AMPD2: variants seen among roughly 807,000 people sequenced by gnomAD.
AMPD2 encodes AMP deaminase 2.
A neutral mutation model predicts 91.3 loss-of-function variants in AMPD2; 52 were observed. That is an observed-to-expected ratio of 0.57 (90% CI 0.46 to 0.72). AMPD2 has a LOEUF of 0.72. Among genes scored for constraint, AMPD2 ranks in the 30% least tolerant of loss-of-function variants. The pLI, the probability that AMPD2 is intolerant of heterozygous loss-of-function variation, is 0.00. For missense variants in AMPD2, 822 were observed against 1,122.3 expected, an observed-to-expected ratio of 0.73 and a Z score of 3.82; for synonymous variants, 455 against 456.4, an observed-to-expected ratio of 1.00 and a Z score of 0.04.
At position 109,628,930 on chromosome 1, in the gene AMPD2, A is replaced by G. The variant is rs111379057; in HGVS notation, c.1571+124A>G. ...CTGCCAACCCCTCTGAGTGCAAGGA[A>G]GGGCTTCCTGGTCCCATCCATGGTC... is the stretch of plus-strand genomic sequence containing the variant. On this transcript the variant is annotated intron_variant, in intron 13 of 18. Transcript: ENST00000528667. The surrounding 1 kb of genome is among the most constrained non-coding windows in gnomAD (Gnocchi z 7.1). The G allele has an allele frequency of 9.4e-3, 13,500 of 1,438,348 alleles. 101 individuals carry two copies. The highest frequency in any genetic ancestry group is 0.032 in the Admixed American group (1,375 of 43,496). The allele number at this position is 1,438,348 out of a possible 1,614,324, so 89.1% of individuals were successfully genotyped here.
In AMPD2 at chr1:109,631,330, C is replaced by A; in HGVS notation, c.*178C>A. 1.4e-6 allele frequency: 1 copy of A among 694,732 alleles called. No individual in the cohort carries two copies. The highest frequency in any genetic ancestry group is 2.4e-6 in the Non-Finnish European group (1 of 408,648). The allele number at this position is 694,732 out of a possible 1,614,324, so 43.0% of individuals were successfully genotyped here. A position where few individuals can be genotyped will look rare whatever the true frequency, so the allele number is the denominator to read the frequency against. On this transcript the variant is annotated 3_prime_UTR_variant, in exon 19 of 19. Coordinates refer to ENST00000528667, the MANE Select transcript of AMPD2 (RefSeq NM_001368809.2). ...TGAAAGCAAAGCCTGGGAATCTGCT[C>A]ATTGTTGTTTGGGCTCAGGTATTGA... is the stretch of plus-strand genomic sequence containing the variant.
chr1:109,621,505 C>T, intron 2 of AMPD2: 1 of 627,886 alleles, frequency 1.6e-6, no homozygotes, highest in Non-Finnish European at 2.9e-6. Context: ...AAGGAGTGGG[C>T]ATGGTGTGGG....
rs781156176 is a variant in AMPD2, at chr1:109,625,842, C to T, written c.353+50C>T. 8 of 1,606,450 alleles carry T rather than the reference C, an allele frequency of 5.0e-6. No individual in the cohort carries two copies. The highest frequency in any genetic ancestry group is 6.0e-6 in the Non-Finnish European group (7 of 1,174,950). ...GTCTCCCTCCATACCCTTCCAGACCCTTTCAGAGCCCCTTTTCTGCCTCTT... is the reference window on the plus strand; with the variant it reads ...GTCTCCCTCCATACCCTTCCAGACCTTTTCAGAGCCCCTTTTCTGCCTCTT... On this transcript the variant is annotated intron_variant, in intron 4 of 18. Transcript: ENST00000528667. The surrounding 1 kb of genome is among the most constrained non-coding windows in gnomAD (Gnocchi z 4.0).
rs1345742407 is a variant in AMPD2 at position 109,628,787 on chromosome 1, G to T, written c.1552G>T (p.Val518Leu). 1.3e-6 allele frequency: 2 copies of T among 1,567,146 alleles called. No homozygotes were observed. The highest frequency in any genetic ancestry group is 1.7e-6 in the Non-Finnish European group (2 of 1,155,600). Residue 518 changes from valine (V) to leucine (L), a missense_variant, in exon 13 of 19, where the codon GTG becomes TTG. By Grantham distance (32) the Val-to-Leu change is conservative. This residue lies in a region of AMPD2 where 430 missense variants were observed against 606.0 expected (regional missense o/e 0.71). Coordinates refer to ENST00000528667, the MANE Select transcript of AMPD2 (RefSeq NM_001368809.2). This position sits in a 1 kb window ranked among gnomAD's most constrained non-coding sequence, Gnocchi z 7.1. ...GCACTCCCCCAACGTGCGCTGGCTG[G>T]TGCAGGTGCCCCGCCTCTTGTGAGT... ...RVHSPNVRWLVQVPRLFDVYR... is the reference protein window; with the variant it reads ...RVHSPNVRWLLQVPRLFDVYR...
In AMPD2 at chr1:109,624,506, C is replaced by T. The variant is rs186458929; in HGVS notation, c.92-797C>T. 0.01 allele frequency among the ~76,000 whole-genome samples: 1,595 copies of T among 152,312 alleles called. 12 individuals are homozygous for T. The highest frequency in any genetic ancestry group is 0.014 in the Non-Finnish European group (965 of 68,002). Reference sequence around the variant, plus strand: ...GACCCCTGGCTTCTGACACTCCCTTCCCCAGGGCCCTCTGTGGTGCCCCCG... The same window carrying T: ...GACCCCTGGCTTCTGACACTCCCTTTCCCAGGGCCCTCTGTGGTGCCCCCG... On this transcript the variant is annotated intron_variant, in intron 2 of 18. Coordinates refer to ENST00000528667, the MANE Select transcript of AMPD2 (RefSeq NM_001368809.2). This position sits in a 1 kb window ranked among gnomAD's most constrained non-coding sequence, Gnocchi z 5.2.
At chr1:109,620,793 G>C in intron 1 of AMPD2, 121 bp from the exon 2 acceptor site, 2 of 1,321,836 alleles carry the variant, frequency 1.5e-6, no homozygotes, top group East Asian at 5.8e-5. Context: ...CCTGGACTTT[G>C]GCTTCTTTGC....
chr1:109,630,733 C>T lies in AMPD2; in HGVS notation c.2208C>T (p.Ser736=). 1.9e-6 allele frequency: 3 copies of T among 1,612,190 alleles called. No homozygotes were observed. The highest frequency in any genetic ancestry group is 1.1e-5 in the South Asian group (1 of 90,598). The change falls in exon 18 of 19, where the codon AGC becomes AGT. Residue 736 remains serine, a synonymous_variant. Transcript: ENST00000528667. ...TCGCCACCCAGGTGTGGAAGCTCAG[C>T]TCCTGCGATATGTGTGAGCTGGCCC... The part of the protein sequence containing the change: ...YSIATQVWKL[S]SCDMCELARN...
At position 109,628,628 on chromosome 1, in the gene AMPD2, T is replaced by C; in HGVS notation, c.1408-15T>C. 6.2e-7 allele frequency: 1 copy of C among 1,612,426 alleles called. No individual in the cohort carries two copies. The highest frequency in any genetic ancestry group is 8.5e-7 in the Non-Finnish European group (1 of 1,179,032). On this transcript the variant is annotated splice_polypyrimidine_tract_variant and intron_variant, in intron 12 of 18. Transcript: ENST00000528667. This position sits in a 1 kb window ranked among gnomAD's most constrained non-coding sequence, Gnocchi z 7.1. ...CAGCTCACCTCATGTCTGACTCAGC[T>C]CACCTCATGTCTAGGAGGTGATGTC...
chr1:109,621,361 T>C (rs1570575480), intron 2 of AMPD2, 95 bp downstream of exon 2: 2 of 1,137,672 alleles, frequency 1.8e-6, no homozygotes, highest in Non-Finnish European at 2.4e-6. Flanking sequence ...GGCCACCTCC[T>C]CCGGCATCCT....
chr1:109,626,644 G>A, intron 6 of AMPD2, 82 bp from the exon 7 acceptor site: 2 of 1,530,890 alleles, frequency 1.3e-6, no homozygotes, highest in Non-Finnish European at 1.8e-6. Context: ...GGTGGGGATA[G>A]TTTGGGTTCT....
chr1:109,621,473 C>A (rs1357638496), intron 2 of AMPD2: 4 of 669,452 alleles, frequency 6.0e-6, no homozygotes, highest in Admixed American at 2.1e-5. Flanking sequence ...ATATCTGTGC[C>A]AGGGATGCTG....
At chr1:109,626,123 C>T (rs200906971) in intron 4 of AMPD2, 37 bp from the exon 5 acceptor site, 119 of 1,611,716 alleles carry the variant, frequency 7.4e-5, no homozygotes, top group African/African-American at 5.9e-4. Context: ...GGCCGTCCCT[C>T]GGGATCTGCC....
At position 109,625,230 on chromosome 1, in the gene AMPD2, A is replaced by G; in HGVS notation, c.92-73A>G. 1 of 1,574,258 alleles carries G rather than the reference A, an allele frequency of 6.4e-7. No individual in the cohort carries two copies. The highest frequency in any genetic ancestry group is 8.6e-7 in the Non-Finnish European group (1 of 1,158,082). On this transcript the variant is annotated intron_variant, in intron 2 of 18. Coordinates refer to ENST00000528667, the MANE Select transcript of AMPD2 (RefSeq NM_001368809.2). The surrounding 1 kb of genome is among the most constrained non-coding windows in gnomAD (Gnocchi z 4.0). ...CCTGGGCTCTCTCGGGAGCTGGCCT[A>G]GGCAGGGCAGGGGCCCAGGGCTTTC...
chr1:109,621,211 G>A lies in AMPD2; in HGVS notation c.36G>A (p.Lys12=), dbSNP rs1166509735. The change falls in exon 2 of 19, where the codon AAG becomes AAA. Residue 12 remains lysine, a synonymous_variant. Transcript: ENST00000528667. ...ASYPSGSGKP[K]AKYPFKKRAS... is the part of the protein sequence containing the mutation. ...ATCCATCTGGCTCTGGCAAGCCCAAGGCCAAATATCCCTTTAAGAAGCGGG... is the reference window on the plus strand; with the variant it reads ...ATCCATCTGGCTCTGGCAAGCCCAAAGCCAAATATCCCTTTAAGAAGCGGG... The A allele has an allele frequency of 6.2e-7, 1 of 1,611,112 alleles. No homozygotes were observed. Among genetic ancestry groups the A allele is most frequent in the East Asian group, 2.2e-5 (1 of 44,786 alleles).
intron 2 of AMPD2, 128 bp downstream of exon 2, chr1:109,621,394 C>T (rs760891641): frequency 3.4e-5 from 34 of 1,006,112 alleles, no homozygotes; most frequent in Non-Finnish European, 4.7e-5. Context: ...GCCCCTCAAC[C>T]TCAGTCCCAG....
chr1:109,630,192 G>T, intron 16 of AMPD2, 41 bp from the exon 17 acceptor site: 1 of 1,604,766 alleles, frequency 6.2e-7, no homozygotes, highest in Non-Finnish European at 8.5e-7. Flanking sequence ...GCCCAGCCTC[G>T]GGGCCACCTG....
chr1:109,626,611 C>T, intron 6 of AMPD2, 115 bp from the exon 7 acceptor site: 1 of 1,435,560 alleles, frequency 7.0e-7, no homozygotes, highest in Admixed American at 2.1e-5. Context: ...TCTGAGTGTT[C>T]CTGGGGGTCA....
In AMPD2 at chr1:109,619,879, G is replaced by A. The variant is rs1650103314; in HGVS notation, c.-662G>A. 5.0e-6 allele frequency: 1 copy of A among 200,810 alleles called. No homozygotes were observed. Among genetic ancestry groups the A allele is most frequent in the Non-Finnish European group, 1.1e-5 (1 of 94,828 alleles). The allele number at this position is 200,810 out of a possible 1,614,324, so 12.4% of individuals were successfully genotyped here. On this transcript the variant is annotated 5_prime_UTR_variant, in exon 1 of 19. Coordinates refer to ENST00000528667, the MANE Select transcript of AMPD2 (RefSeq NM_001368809.2). ...GCGCGGAGCCGGCGAGATTTTGGTGGGGTCTCACCTGTTGCGTGACTCCCC... is the reference window on the plus strand; with the variant it reads ...GCGCGGAGCCGGCGAGATTTTGGTGAGGTCTCACCTGTTGCGTGACTCCCC...
At chr1:109,622,873 A>T (rs1650374405) in intron 2 of AMPD2, among the ~76,000 whole-genome samples, 1 of 152,146 alleles carries the variant, frequency 6.6e-6, no homozygotes, top group Admixed American at 6.5e-5. Flanking sequence ...GTCTGGGGCC[A>T]TATGTAGGGA....
Sources: gnomAD v4.1 joint callset for allele counts (sites outside exome capture counted in the v4.1 genomes callset) on GRCh38, gnomAD v4.1.1 for gene constraint, gnomAD v4.1.1 regional missense constraint, Gnocchi (gnomAD v3.1) non-coding constraint, MANE v1.5 for transcripts, NCBI Gene and HGNC (gene_info 2026-07-23, HGNC 2026-07-21) for gene names.